The following BMERB1 variants were observed in gnomAD, a reference collection of about 807,000 sequenced individuals.
The protein encoded by BMERB1 is bMERB domain-containing protein 1.
In BMERB1, 12 loss-of-function variants were observed where a neutral mutation model predicts 23.6. That is an observed-to-expected ratio of 0.51 (90% CI 0.33 to 0.82). The LOEUF (loss-of-function observed/expected upper bound fraction) is 0.82, where lower values mean the gene tolerates loss of function less well. BMERB1 is among the 40% of genes least tolerant of loss of function. The probability of loss-of-function intolerance (pLI) is 0.03; values close to 1 mark genes in which losing one functional copy is unlikely to be tolerated. For missense variants in BMERB1, 247 were observed against 255.4 expected, an observed-to-expected ratio of 0.97 and a Z score of 0.22; for synonymous variants, 122 against 96.6, an observed-to-expected ratio of 1.26 and a Z score of -1.54.
At chr16:15,506,123 T>G (rs1204574372) in intron 1 of BMERB1, among the ~76,000 whole-genome samples, 1 of 152,060 alleles carries the variant, frequency 6.6e-6, no homozygotes, top group Non-Finnish European at 1.5e-5. Flanking sequence ...GTTTACGGTG[T>G]TTTGTTTTGT....
At chr16:15,515,105 C>G (rs1320201126) in intron 1 of BMERB1, among the ~76,000 whole-genome samples, 200 bp from the exon 2 acceptor site, 1 of 152,112 alleles carries the variant, frequency 6.6e-6, no homozygotes, top group Non-Finnish European at 1.5e-5. Flanking sequence ...ACAAAGCAAA[C>G]GAAGTAAATT....
At chr16:15,553,537 C>T (rs2030156895) in intron 2 of BMERB1, among the ~76,000 whole-genome samples, 1 of 152,200 alleles carries the variant, frequency 6.6e-6, no homozygotes, top group Admixed American at 6.5e-5. Context: ...CTGCCACTGT[C>T]GGGAAAAACA....
intron 2 of BMERB1, among the ~76,000 whole-genome samples, chr16:15,538,774 T>C (rs1165129778): frequency 1.3e-5 from 2 of 152,222 alleles, no homozygotes; most frequent in African/African-American, 4.8e-5. Flanking sequence ...TGGTCTCATT[T>C]AGAGCCAAGT....
At chr16:15,452,085 GCCTGGGCAA>G in intron 1 of BMERB1, among the ~76,000 whole-genome samples, 1 of 151,912 alleles carries the variant, frequency 6.6e-6, no homozygotes. Context: ...TTTGAGACCA[GCCTGGGCAA>G]CACAGGGAGA....
At chr16:15,576,543 AGG>A (rs1755307480) in intron 3 of BMERB1, among the ~76,000 whole-genome samples, 1 of 152,154 alleles carries the variant, frequency 6.6e-6, no homozygotes, top group Non-Finnish European at 1.5e-5. Context: ...CTGAAGCCCT[AGG>A]GCATTACATT....
intron 2 of BMERB1, among the ~76,000 whole-genome samples, chr16:15,554,865 A>G (rs1384074672): frequency 6.6e-6 from 1 of 151,782 alleles, no homozygotes; most frequent in Non-Finnish European, 1.5e-5. Flanking sequence ...ACAGGGTTTC[A>G]CCGTGTTAGC....
At chr16:15,450,839 T>G (rs2051035534) in intron 1 of BMERB1, among the ~76,000 whole-genome samples, 1 of 152,172 alleles carries the variant, frequency 6.6e-6, no homozygotes, top group Non-Finnish European at 1.5e-5. Context: ...TATGCTTGGC[T>G]CTTCCAACCA....
At chr16:15,443,263 A>G (rs1335715586) in intron 1 of BMERB1, among the ~76,000 whole-genome samples, 3 of 149,594 alleles carry the variant, frequency 2.0e-5, no homozygotes, top group Non-Finnish European at 4.5e-5. Flanking sequence ...TCAAAAAAAA[A>G]CACCACAGGC....
intron 2 of BMERB1, among the ~76,000 whole-genome samples, chr16:15,539,550 G>T (rs1465659009): frequency 6.6e-6 from 1 of 151,960 alleles, no homozygotes; most frequent in Non-Finnish European, 1.5e-5. Context: ...CATTAATTAA[G>T]AATTTTTTTT....
intron 1 of BMERB1, among the ~76,000 whole-genome samples, chr16:15,463,815 T>A (rs910266573): frequency 5.9e-5 from 9 of 151,820 alleles, no homozygotes; most frequent in African/African-American, 2.2e-4. Context: ...CCTGGGACTT[T>A]CCAATGTTGG....
At chr16:15,520,307 T>C (rs1042376361) in intron 2 of BMERB1, among the ~76,000 whole-genome samples, 9 of 151,994 alleles carry the variant, frequency 5.9e-5, no homozygotes, top group African/African-American at 2.2e-4. Context: ...CCTTACTCTT[T>C]TACAACGCAA....
intron 1 of BMERB1, among the ~76,000 whole-genome samples, chr16:15,511,748 G>A (rs1255560670): frequency 2.0e-5 from 3 of 151,822 alleles, no homozygotes; most frequent in African/African-American, 4.8e-5. Context: ...ACGGTGGCTC[G>A]CGCCTGTAAT....
intron 1 of BMERB1, among the ~76,000 whole-genome samples, chr16:15,483,347 C>T (rs549992000): frequency 6.6e-5 from 10 of 152,222 alleles, no homozygotes; most frequent in South Asian, 4.2e-4. Flanking sequence ...GGCACTTGAA[C>T]GGAGTGGTTG....
chr16:15,526,635 G>A (rs1206446621), intron 2 of BMERB1, among the ~76,000 whole-genome samples: 1 of 139,172 alleles, frequency 7.2e-6, no homozygotes, highest in Non-Finnish European at 1.5e-5. Flanking sequence ...CTGCACTCCA[G>A]CCTGGGCAAC....
intron 1 of BMERB1, among the ~76,000 whole-genome samples, chr16:15,461,306 A>G (rs1567455147): frequency 6.6e-6 from 1 of 152,114 alleles, no homozygotes; most frequent in Non-Finnish European, 1.5e-5. Flanking sequence ...AGGCAAAGTC[A>G]CATAAGTACA....
At chr16:15,481,448 A>G (rs2150935445) in intron 1 of BMERB1, among the ~76,000 whole-genome samples, 1 of 152,010 alleles carries the variant, frequency 6.6e-6, no homozygotes, top group South Asian at 2.1e-4. Flanking sequence ...AATGGCGTGA[A>G]CCCGGGAGGC....
In BMERB1 at chr16:15,467,362, A is replaced by G. The variant is rs567841477; in HGVS notation, c.106+32603A>G. 2.0e-5 allele frequency among the ~76,000 whole-genome samples: 3 copies of G among 152,236 alleles called. No individual in the cohort carries two copies. In the East Asian group the frequency reaches 5.8e-4, roughly 29 times the overall value. On this transcript the variant is annotated intron_variant, in intron 1 of 5. Coordinates refer to ENST00000300006, the MANE Select transcript of BMERB1 (RefSeq NM_033201.3). ...ATCCTCACCTGCATTTGGTGTTATCATTATTTTTTATTTTAGCTAGTCTGA... is the reference window on the plus strand; with the variant it reads ...ATCCTCACCTGCATTTGGTGTTATCGTTATTTTTTATTTTAGCTAGTCTGA...
intron 5 of BMERB1, among the ~76,000 whole-genome samples, chr16:15,583,470 C>G (rs536222655): frequency 1.3e-5 from 2 of 150,358 alleles, no homozygotes; most frequent in Non-Finnish European, 2.9e-5. Context: ...CCCAGCTACT[C>G]GAGAGGCTGA....
intron 2 of BMERB1, among the ~76,000 whole-genome samples, chr16:15,563,933 AT>A (rs1198880729): frequency 6.6e-6 from 1 of 152,062 alleles, no homozygotes; most frequent in Non-Finnish European, 1.5e-5. Flanking sequence ...CCATGAATAG[AT>A]TAAGCTCTTC....
Sources: gnomAD v4.1 joint callset for allele counts (sites outside exome capture counted in the v4.1 genomes callset) on GRCh38, gnomAD v4.1.1 for gene constraint, MANE v1.5 for transcripts, NCBI Gene and HGNC (gene_info 2026-07-23, HGNC 2026-07-21) for gene names.